Variants in MAGEE1 observed in about 807,000 individuals in gnomAD.
The protein encoded by MAGEE1 is melanoma-associated antigen E1.
A neutral mutation model predicts 12.0 loss-of-function variants in MAGEE1; 3 were observed. That is an observed-to-expected ratio of 0.25 (90% CI 0.11 to 0.65). The LOEUF (loss-of-function observed/expected upper bound fraction) is 0.65, where lower values mean the gene tolerates loss of function less well. Among genes scored for constraint, MAGEE1 ranks in the 30% least tolerant of loss-of-function variants. The pLI, the probability that MAGEE1 is intolerant of heterozygous loss-of-function variation, is 0.84. For synonymous variants in MAGEE1, 414 were observed against 326.1 expected (o/e 1.27, Z -2.91); for missense variants, 729 against 772.2 (o/e 0.94, Z 0.66).
At position 76,430,963 on chromosome X, in the gene MAGEE1, T is replaced by A. The variant is rs1469375452; in HGVS notation, c.*159T>A. ...TTAGTTCTGGTGTGGTGTCTGGAAA[T>A]GTTTCAACTGTTTTAATATATTGTC... On this transcript the variant is annotated 3_prime_UTR_variant, in exon 1 of 1. Transcript: ENST00000361470. 5.1e-5 allele frequency: 22 copies of A among 431,554 alleles called. No homozygotes were observed. The African/African-American group carries it at 5.2e-4, about 10-fold the overall frequency. 35.6% of individuals were successfully genotyped at this position (431,554 alleles called of 1,213,427 possible).
In MAGEE1 at chrX:76,430,676, C is replaced by T. The variant is rs1556839971; in HGVS notation, c.2746C>T (p.Arg916Ter). ...GGAAACCTCTAAGATGAAAGCCTTG[C>T]GATATGTGGCCAGAATCCACAGAAA... Reference protein sequence around the residue: ...RLETSKMKALRYVARIHRKEP... With the variant: ...RLETSKMKAL Residue 916 changes from arginine to a stop codon, truncating the protein, a stop_gained, in exon 1 of 1, where the codon CGA becomes TGA. Transcript: ENST00000361470. LOFTEE classifies it high-confidence loss of function. 2 of 1,211,212 alleles carry T rather than the reference C, an allele frequency of 1.7e-6. No homozygotes were observed. Among genetic ancestry groups the T allele is most frequent in the African/African-American group, 1.7e-5 (1 of 57,629 alleles).
At position 76,430,137 on chromosome X, in the gene MAGEE1, C is replaced by T; in HGVS notation, c.2207C>T (p.Ala736Val). 1 of 1,211,596 alleles carries T rather than the reference C, an allele frequency of 8.3e-7. No homozygotes were observed. Among genetic ancestry groups the T allele is most frequent in the South Asian group, 1.8e-5 (1 of 56,956 alleles). The change falls in exon 1 of 1, where the codon GCC becomes GTC. Residue 736 changes from alanine (A) to valine (V), a missense_variant. Around this residue, in one of 4 missense-constraint regions of MAGEE1, gnomAD observed 64 missense variants for 53.4 expected, o/e 1.20. Coordinates refer to ENST00000361470, the MANE Select transcript of MAGEE1 (RefSeq NM_020932.3). The part of the protein sequence containing the change: ...SEVSSYSSKY[A>V]PHSWPESRLE... ...GTTTCCAGCTATTCCTCAAAATATGCCCCACATTCATGGCCTGAGTCAAGA... is the reference window on the plus strand; with the variant it reads ...GTTTCCAGCTATTCCTCAAAATATGTCCCACATTCATGGCCTGAGTCAAGA...
In MAGEE1 at chrX:76,429,188, G is replaced by T; in HGVS notation, c.1258G>T (p.Ala420Ser). The T allele has an allele frequency of 1.6e-6, 2 of 1,212,231 alleles. No homozygotes were observed. The highest frequency in any genetic ancestry group is 2.2e-6 in the Non-Finnish European group (2 of 895,586). ...CCCGAGCACATTGTTTAGCTCTAGT[G>T]CTTCTGTGGACCGGAACCCCTCCAA... ...EGPSTLFSSSASVDRNPSKCS... is the reference protein window; with the variant it reads ...EGPSTLFSSSSSVDRNPSKCS... The change falls in exon 1 of 1, where the codon GCT becomes TCT. Residue 420 changes from alanine to serine, a missense_variant. Ala to Ser is a moderately conservative substitution (Grantham distance 99, BLOSUM62 1). Coordinates refer to ENST00000361470, the MANE Select transcript of MAGEE1 (RefSeq NM_020932.3).
Position 76,429,969 on chromosome X carries a change from C to T in MAGEE1, c.2039C>T (p.Pro680Leu). The change falls in exon 1 of 1, where the codon CCT becomes CTT. Residue 680 changes from proline (P) to leucine (L), a missense_variant. Transcript: ENST00000361470. ...ATGGCGAAAATATATAACAAAGATC[C>T]TATGGATTGGCCAGAGAAATACAAC... ...KFMAKIYNKDPMDWPEKYNEA... is the reference protein window; with the variant it reads ...KFMAKIYNKDLMDWPEKYNEA... 1 of 1,210,844 alleles carries T rather than the reference C, an allele frequency of 8.3e-7. No individual in the cohort carries two copies. The highest frequency in any genetic ancestry group is 1.1e-6 in the Non-Finnish European group (1 of 895,198).
chrX:76,430,379 C>A lies in MAGEE1; in HGVS notation c.2449C>A (p.Arg817=), dbSNP rs1923350468. ...GAATCACTCCTATACTCTGTACAAC[C>A]GAAGGGAGATGGAAGAAACTGAGGA... ...PRNHSYTLYN[R]REMEETEEIV... is the part of the protein sequence containing the mutation. Residue 817 remains arginine, a synonymous_variant, in exon 1 of 1, where the codon CGA becomes AGA. Transcript: ENST00000361470. 1 of 1,211,640 alleles carries A rather than the reference C, an allele frequency of 8.3e-7. No individual in the cohort carries two copies. Among genetic ancestry groups the A allele is most frequent in the Non-Finnish European group, 1.1e-6 (1 of 895,508 alleles).
In MAGEE1 at chrX:76,428,924, G is replaced by C. The variant is rs781864220; in HGVS notation, c.994G>C (p.Val332Leu). 4.8e-5 allele frequency: 58 copies of C among 1,206,699 alleles called. No individual in the cohort carries two copies. In the Admixed American group the frequency reaches 1.2e-3, roughly 26 times the overall value. The change falls in exon 1 of 1, where the codon GTG becomes CTG. Residue 332 changes from valine (V) to leucine (L), a missense_variant. By Grantham distance (32) the Val-to-Leu change is conservative. Coordinates refer to ENST00000361470, the MANE Select transcript of MAGEE1 (RefSeq NM_020932.3). ...PTPGGGLSTS[V>L]PPTATEELST... The stretch of plus-strand genomic sequence containing the variant: ...CCCTGGTGGGGGACTGAGCACCTCC[G>C]TGCCGCCCACCGCCACTGAGGAGTT...
At position 76,427,829 on chromosome X, in the gene MAGEE1, C is replaced by G; in HGVS notation, c.-102C>G. The G allele has an allele frequency of 1.1e-6, 1 of 916,763 alleles. No individual in the cohort carries two copies. The highest frequency in any genetic ancestry group is 1.5e-6 in the Non-Finnish European group (1 of 659,982). The allele number at this position is 916,763 out of a possible 1,213,427, so 75.6% of individuals were successfully genotyped here. A position where few individuals can be genotyped will look rare whatever the true frequency, so the allele number is the denominator to read the frequency against. On this transcript the variant is annotated 5_prime_UTR_variant, in exon 1 of 1. Transcript: ENST00000361470. Reference sequence around the variant, plus strand: ...GCAGCAGCAACATCATTACCGCTAGCGGCAGTTTTGTGCCGAGGCACCTAC... The same window carrying G: ...GCAGCAGCAACATCATTACCGCTAGGGGCAGTTTTGTGCCGAGGCACCTAC...
rs199910068 is a variant in MAGEE1, at chrX:76,429,012, G to C, written c.1082G>C (p.Gly361Ala). 2 of 1,208,961 alleles carry C rather than the reference G, an allele frequency of 1.7e-6. No homozygotes were observed. Among genetic ancestry groups the C allele is most frequent in the East Asian group, 5.9e-5 (2 of 33,641 alleles). The stretch of plus-strand genomic sequence containing the variant: ...AGCACTTCCGTACTGCCAATCCCCG[G>C]TGAGGGACTGAGCACCTCTGTGCCG... ...GPSTSVLPIP[G>A]EGLSTSVPPT... Residue 361 changes from glycine (G) to alanine (A), a missense_variant, in exon 1 of 1, where the codon GGT becomes GCT. Gly to Ala is a moderately conservative substitution (Grantham distance 60, BLOSUM62 0). Transcript: ENST00000361470.
chrX:76,427,890 T>C lies in MAGEE1; in HGVS notation c.-41T>C. The C allele has an allele frequency of 8.7e-7, 1 of 1,155,959 alleles. No homozygotes were observed. Among genetic ancestry groups the C allele is most frequent in the South Asian group, 2.0e-5 (1 of 49,282 alleles). Reference sequence around the variant, plus strand: ...TCCTCTCTGCCAGATCGCGGGCCTGTCGGTGTCTGCTCCTACACGCCAACG... The same window carrying C: ...TCCTCTCTGCCAGATCGCGGGCCTGCCGGTGTCTGCTCCTACACGCCAACG... On this transcript the variant is annotated 5_prime_UTR_variant, in exon 1 of 1. Coordinates refer to ENST00000361470, the MANE Select transcript of MAGEE1 (RefSeq NM_020932.3).
Position 76,428,579 on chromosome X carries a change from A to C in MAGEE1, c.649A>C (p.Thr217Pro), listed in dbSNP as rs1160174122. ...GPGTSVPLAA[T>P]EGLSTSVQAT... ...AGGCACCTCCGTGCCGCTCGCCGCCACTGAGGGCCTGAGCACCTCCGTGCA... is the reference window on the plus strand; with the variant it reads ...AGGCACCTCCGTGCCGCTCGCCGCCCCTGAGGGCCTGAGCACCTCCGTGCA... Residue 217 changes from threonine (T) to proline (P), a missense_variant, in exon 1 of 1, where the codon ACT (threonine) becomes CCT (proline). Around this residue, in one of 4 missense-constraint regions of MAGEE1, gnomAD observed 473 missense variants for 423.7 expected, o/e 1.12. Coordinates refer to ENST00000361470, the MANE Select transcript of MAGEE1 (RefSeq NM_020932.3). 2 of 1,161,735 alleles carry C rather than the reference A, an allele frequency of 1.7e-6. No homozygotes were observed. Among genetic ancestry groups the C allele is most frequent in the African/African-American group, 4.2e-5 (2 of 47,206 alleles).
Position 76,429,450 on chromosome X carries a change from A to T in MAGEE1, c.1520A>T (p.Gln507Leu), listed in dbSNP as rs782081375. 8.2e-7 allele frequency: 1 copy of T among 1,212,184 alleles called. No individual in the cohort carries two copies. The highest frequency in any genetic ancestry group is 1.8e-5 in the South Asian group (1 of 57,027). Reference sequence around the variant, plus strand: ...TTGCAGTTCCTGCTGGTGAAGGATCAGAGCAAGTACCCTATCCGGGAGTCT... The same window carrying T: ...TTGCAGTTCCTGCTGGTGAAGGATCTGAGCAAGTACCCTATCCGGGAGTCT... ...ELLQFLLVKD[Q>L]SKYPIRESEM... is the part of the protein sequence containing the mutation. Residue 507 changes from glutamine to leucine, a missense_variant, in exon 1 of 1, where the codon CAG becomes CTG. Around this residue, in one of 4 missense-constraint regions of MAGEE1, gnomAD observed 91 missense variants for 133.8 expected, o/e 0.68. Transcript: ENST00000361470.
chrX:76,430,678 A>G lies in MAGEE1; in HGVS notation c.2748A>G (p.Arg916=), dbSNP rs138344457. Reference sequence around the variant, plus strand: ...AAACCTCTAAGATGAAAGCCTTGCGATATGTGGCCAGAATCCACAGAAAGG... The same window carrying G: ...AAACCTCTAAGATGAAAGCCTTGCGGTATGTGGCCAGAATCCACAGAAAGG... ...RLETSKMKAL[R]YVARIHRKEP... The change falls in exon 1 of 1, where the codon CGA becomes CGG. Residue 916 remains arginine, a synonymous_variant. Coordinates refer to ENST00000361470, the MANE Select transcript of MAGEE1 (RefSeq NM_020932.3). 169 of 1,209,579 alleles carry G rather than the reference A, an allele frequency of 1.4e-4. No individual in the cohort carries two copies. Among genetic ancestry groups the G allele is most frequent in the Non-Finnish European group, 6.7e-5 (60 of 895,168 alleles).
Position 76,430,450 on chromosome X carries a change from G to T in MAGEE1, c.2520G>T (p.Gln840His). 8.3e-7 allele frequency: 1 copy of T among 1,210,367 alleles called. No individual in the cohort carries two copies. Among genetic ancestry groups the T allele is most frequent in the East Asian group, 3.0e-5 (1 of 33,834 alleles). Residue 840 changes from glutamine (Q) to histidine (H), a missense_variant, in exon 1 of 1, where the codon CAG (glutamine) becomes CAT (histidine). Gln to His is a conservative substitution (Grantham distance 24). Around this residue, in one of 4 missense-constraint regions of MAGEE1, gnomAD observed 101 missense variants for 161.3 expected, o/e 0.63. Transcript: ENST00000361470. ...PNRPGNNFLM[Q>H]VLSFIFIMGN... ...GGCCTGGCAACAACTTTTTGATGCA[G>T]GTCCTAAGCTTCATCTTTATTATGG...
At position 76,430,841 on chromosome X, in the gene MAGEE1, G is replaced by A; in HGVS notation, c.*37G>A. The A allele has an allele frequency of 9.9e-7, 1 of 1,012,003 alleles. No homozygotes were observed. The allele number at this position is 1,012,003 out of a possible 1,213,427, so 83.4% of individuals were successfully genotyped here. ...GCAGTCAGAGGGGCCTTGCAAGGAG[G>A]GGCCTTTGAGCCTCAGTTCTCATGT... On this transcript the variant is annotated 3_prime_UTR_variant, in exon 1 of 1. Coordinates refer to ENST00000361470, the MANE Select transcript of MAGEE1 (RefSeq NM_020932.3).
Position 76,428,871 on chromosome X carries a change from A to G in MAGEE1, c.941A>G (p.Glu314Gly), listed in dbSNP as rs1923303148. The part of the protein sequence containing the change: ...LSTSVQPTAG[E>G]GSSTSVPPTP... ...ACCTCCGTGCAGCCCACTGCTGGTG[A>G]GGGATCGAGCACCTCCGTGCCGCCC... The change falls in exon 1 of 1, where the codon GAG becomes GGG. Residue 314 changes from glutamate to glycine, a missense_variant. Transcript: ENST00000361470. 1 of 1,209,886 alleles carries G rather than the reference A, an allele frequency of 8.3e-7. No homozygotes were observed. Among genetic ancestry groups the G allele is most frequent in the Non-Finnish European group, 1.1e-6 (1 of 894,853 alleles).
rs1556839538 is a variant in MAGEE1 at position 76,428,953 on chromosome X, C to T, written c.1023C>T (p.Ser341=). 7.4e-6 allele frequency: 9 copies of T among 1,210,628 alleles called. No homozygotes were observed. The East Asian group carries it at 2.7e-4, about 36-fold the overall frequency. Residue 341 remains serine (S), a synonymous_variant, in exon 1 of 1, where the codon AGC becomes AGT. Transcript: ENST00000361470. The part of the protein sequence containing the change: ...SVPPTATEEL[S]TSVPPTPGEG... ...CGCCCACCGCCACTGAGGAGTTGAG[C>T]ACCTCCGTGCCGCCCACTCCCGGTG...
rs2147576196 is a variant in MAGEE1, at chrX:76,429,467, C to T, written c.1537C>T (p.Arg513Trp). 5 of 1,211,604 alleles carry T rather than the reference C, an allele frequency of 4.1e-6. No homozygotes were observed. Among genetic ancestry groups the T allele is most frequent in the Non-Finnish European group, 5.6e-6 (5 of 895,490 alleles). ...GAAGGATCAGAGCAAGTACCCTATC[C>T]GGGAGTCTGAAATGCGGGAATATAT... ...LVKDQSKYPIRESEMREYIVK... is the reference protein window; with the variant it reads ...LVKDQSKYPIWESEMREYIVK... Residue 513 changes from arginine (R) to tryptophan (W), a missense_variant, in exon 1 of 1, where the codon CGG (arginine) becomes TGG (tryptophan). Physicochemically the swap from Arg to Trp is moderately radical, Grantham distance 101. Around this residue, in one of 4 missense-constraint regions of MAGEE1, gnomAD observed 91 missense variants for 133.8 expected, o/e 0.68. Transcript: ENST00000361470.
rs1355162923 is a variant in MAGEE1, at chrX:76,429,389, C to T, written c.1459C>T (p.Pro487Ser). Reference sequence around the variant, plus strand: ...TTCCCGGGTTGCAATTACCCTGAAGCCCCAAGACCCTATGGAACAGAACGT... The same window carrying T: ...TTCCCGGGTTGCAATTACCCTGAAGTCCCAAGACCCTATGGAACAGAACGT... ...NTSRVAITLKPQDPMEQNVAE... is the reference protein window; with the variant it reads ...NTSRVAITLKSQDPMEQNVAE... Residue 487 changes from proline to serine, a missense_variant, in exon 1 of 1, where the codon CCC becomes TCC. Pro to Ser is a moderately conservative substitution (Grantham distance 74). This residue lies in a region of MAGEE1 where 473 missense variants were observed against 423.7 expected (regional missense o/e 1.12). Coordinates refer to ENST00000361470, the MANE Select transcript of MAGEE1 (RefSeq NM_020932.3). The T allele has an allele frequency of 8.3e-7, 1 of 1,210,004 alleles. No individual in the cohort carries two copies. The highest frequency in any genetic ancestry group is 1.8e-5 in the African/African-American group (1 of 57,106).
chrX:76,428,812 C>T lies in MAGEE1; in HGVS notation c.882C>T (p.Thr294=), dbSNP rs781983296. 2 of 1,208,430 alleles carry T rather than the reference C, an allele frequency of 1.7e-6. No individual in the cohort carries two copies. Among genetic ancestry groups the T allele is most frequent in the East Asian group, 3.0e-5 (1 of 33,646 alleles). ...CCACCCGCGGTAAGGGATCAAGCAC[C>T]TCCGTGCCCCCCACCGCCACCGAGG... ...LVPTRGKGSS[T]SVPPTATEGL... is the part of the protein sequence containing the mutation. The change falls in exon 1 of 1, where the codon ACC becomes ACT. Residue 294 remains threonine (T), a synonymous_variant. Transcript: ENST00000361470.
Sources: allele counts gnomAD v4.1 joint callset, GRCh38; gene constraint gnomAD v4.1.1; regional missense constraint gnomAD v4.1.1; transcripts MANE v1.5; gene names NCBI Gene and HGNC (gene_info 2026-07-23, HGNC 2026-07-21).